Variants in MYCBP2 observed in about 807,000 individuals in gnomAD.
MYCBP2 encodes the protein E3 ubiquitin-protein ligase MYCBP2.
In MYCBP2, 120 loss-of-function variants were observed where a neutral mutation model predicts 525.3. The ratio of observed to expected loss-of-function variants is 0.23; its 90% CI spans 0.20 to 0.27. The LOEUF is 0.27. MYCBP2 is among the 10% of genes least tolerant of loss of function. The pLI is 1.00. For missense variants in MYCBP2, 4,149 were observed against 5,657.1 expected (o/e 0.73, Z 8.55); for synonymous variants, 1,894 against 1,955.8 (o/e 0.97, Z 0.83).
chr13:77,257,624 A>C, intron 14 of MYCBP2, 47 bp downstream of exon 14: 1 of 1,475,452 alleles, frequency 6.8e-7, no homozygotes, highest in Non-Finnish European at 9.0e-7. Flanking sequence ...CTGAAAAACT[A>C]ATGAAAAGAC....
intron 2 of MYCBP2, among the ~76,000 whole-genome samples, chr13:77,290,550 A>T (rs1330622761): frequency 6.6e-6 from 1 of 152,254 alleles, no homozygotes; most frequent in Non-Finnish European, 1.5e-5. Context: ...AACAATATGC[A>T]ACAATGTGTG....
chr13:77,254,375 A>G (rs1171883512), intron 14 of MYCBP2, among the ~76,000 whole-genome samples: 3 of 151,478 alleles, frequency 2.0e-5, no homozygotes, highest in Admixed American at 6.6e-5. Flanking sequence ...CTTATCTGTG[A>G]TTTTTTTTTA....
At chr13:77,066,160 GT>G in intron 71 of MYCBP2, 72 bp from the exon 72 acceptor site, 2 of 1,078,614 alleles carry the variant, frequency 1.9e-6, no homozygotes, top group East Asian at 2.4e-5. Flanking sequence ...AGATGAAAAT[GT>G]TATTTCAGAA....
At chr13:77,267,314 T>A (rs2074237185) in intron 8 of MYCBP2, among the ~76,000 whole-genome samples, 1 of 150,908 alleles carries the variant, frequency 6.6e-6, no homozygotes, top group African/African-American at 2.4e-5. Context: ...TTAAGAAGCA[T>A]AAGAAGCATA....
rs769765713 is a variant in MYCBP2, at chr13:77,098,070, G to A, written c.9084C>T (p.Ala3028=). The A allele has an allele frequency of 1.7e-5, 27 of 1,613,334 alleles. No homozygotes were observed. The African/African-American group carries it at 2.7e-4, about 16-fold the overall frequency. The part of the protein sequence containing the change: ...PAKQAMSPSV[A]ECARAVFASF... ...AAGCAAACACAGCTCTGGCACATTCGGCCACAGAAGGAGACATGGCTTGCT... is the reference window on the plus strand; with the variant it reads ...AAGCAAACACAGCTCTGGCACATTCAGCCACAGAAGGAGACATGGCTTGCT... Residue 3028 remains alanine (A), a synonymous_variant, in exon 56 of 83, where the codon GCC becomes GCT. Transcript: ENST00000544440.
At chr13:77,266,099 C>G (rs2074029667) in intron 8 of MYCBP2, among the ~76,000 whole-genome samples, 1 of 152,018 alleles carries the variant, frequency 6.6e-6, no homozygotes, top group South Asian at 2.1e-4. Flanking sequence ...ATAAATAAAA[C>G]AGCTGTAGGC....
At chr13:77,202,358 T>C (rs898123762) in intron 26 of MYCBP2, among the ~76,000 whole-genome samples, 7 of 152,152 alleles carry the variant, frequency 4.6e-5, no homozygotes, top group Non-Finnish European at 1.0e-4. Context: ...AAGTTGAATC[T>C]CTGAATAGAC....
rs2058547911 is a variant in MYCBP2 at position 77,166,627 on chromosome 13, T to A, written c.6115-73A>T. On this transcript the variant is annotated intron_variant, in intron 40 of 82. Transcript: ENST00000544440. ...AAACATACACATCTGCATCTGTATG[T>A]GTGTGTGTGTCTATGCTTTTATTAA... The A allele has an allele frequency of 5.3e-6, 5 of 951,802 alleles. No homozygotes were observed. The African/African-American group carries it at 6.5e-5, about 12-fold the overall frequency. 59.0% of individuals were successfully genotyped at this position (951,802 alleles called of 1,614,324 possible). A position where few individuals can be genotyped will look rare whatever the true frequency, so the allele number is the denominator to read the frequency against.
intron 20 of MYCBP2, among the ~76,000 whole-genome samples, chr13:77,219,009 A>T (rs116070827): frequency 0.013 from 2,014 of 152,250 alleles, 47 homozygotes; most frequent in African/African-American, 0.045. Flanking sequence ...GATATGGGGC[A>T]AGGAAGATTT....
In MYCBP2 at chr13:77,278,799, T is replaced by C. The variant is rs769504793; in HGVS notation, c.707A>G (p.Gln236Arg). ...LQALLNVLQG[Q>R]QPEGLQSEPP... The stretch of plus-strand genomic sequence containing the variant: ...CTCAGACTGGAGGCCTTCTGGCTGC[T>C]GGCCCTGCAGCACGTTGAGCAGGGC... The change falls in exon 4 of 83, where the codon CAG becomes CGG. Residue 236 changes from glutamine (Q) to arginine (R), a missense_variant. Physicochemically the swap from Gln to Arg is conservative, Grantham distance 43. This residue lies in a region of MYCBP2 where 413 missense variants were observed against 451.2 expected (regional missense o/e 0.92). Coordinates refer to ENST00000544440, the MANE Select transcript of MYCBP2 (RefSeq NM_015057.5). The C allele has an allele frequency of 4.4e-6, 7 of 1,586,356 alleles. No individual in the cohort carries two copies. The highest frequency in any genetic ancestry group is 6.0e-6 in the Non-Finnish European group (7 of 1,168,004).
At chr13:77,071,265 G>GCACATGCACA (rs1555305891) in intron 68 of MYCBP2, among the ~76,000 whole-genome samples, 2 of 87,410 alleles carry the variant, frequency 2.3e-5, no homozygotes, top group Non-Finnish European at 5.2e-5. Context: ...GCACGTGTGT[G>GCACATGCACA]CACACGCACA....
rs142099944 is a variant in MYCBP2, at chr13:77,071,200, C to T, written c.11824-489G>A. Reference sequence around the variant, plus strand: ...TTTTATAGAGCTTATTATGTGCACGCTGTTCTTCTAAGTGCCACATATGTA... The same window carrying T: ...TTTTATAGAGCTTATTATGTGCACGTTGTTCTTCTAAGTGCCACATATGTA... On this transcript the variant is annotated intron_variant, in intron 68 of 82. Transcript: ENST00000544440. Among the ~76,000 whole-genome samples the T allele has an allele frequency of 6.3e-3, 958 of 151,536 alleles. 7 individuals are homozygous for T. Among genetic ancestry groups the T allele is most frequent in the African/African-American group, 0.022 (895 of 41,258 alleles).
intron 34 of MYCBP2, 134 bp from the exon 35 acceptor site, chr13:77,178,088 T>G (rs1217316983): frequency 1.3e-5 from 8 of 628,530 alleles, no homozygotes; most frequent in Non-Finnish European, 1.4e-5. Context: ...TATGTTCTAC[T>G]GAGAGATTAA....
intron 20 of MYCBP2, among the ~76,000 whole-genome samples, chr13:77,221,620 C>A (rs1442358949): frequency 6.6e-6 from 1 of 152,184 alleles, no homozygotes; most frequent in Non-Finnish European, 1.5e-5. Context: ...ATGACTGAGA[C>A]CCCATCTTAT....
At chr13:77,148,804 C>T (rs1259715631) in intron 47 of MYCBP2, among the ~76,000 whole-genome samples, 1 of 152,072 alleles carries the variant, frequency 6.6e-6, no homozygotes, top group Non-Finnish European at 1.5e-5. Context: ...AAAACCTTGA[C>T]CCTAAGATTC....
intron 81 of MYCBP2, among the ~76,000 whole-genome samples, chr13:77,051,544 GCA>G (rs2036818194): frequency 6.6e-6 from 1 of 152,130 alleles, no homozygotes; most frequent in Non-Finnish European, 1.5e-5. Flanking sequence ...AAGTTTCACT[GCA>G]CGTTTAAGAA....
rs897238160 is a variant in MYCBP2 at position 77,055,701 on chromosome 13, T to C, written c.13504A>G (p.Arg4502Gly). Residue 4502 changes from arginine (R) to glycine (G), a missense_variant, in exon 80 of 83, where the codon AGA becomes GGA. Physicochemically the swap from Arg to Gly is moderately radical, Grantham distance 125 (BLOSUM62 -2). Coordinates refer to ENST00000544440, the MANE Select transcript of MYCBP2 (RefSeq NM_015057.5). ...DPIKELYEDV[R>G]RKALMRLEYE... ...TCCAATCTCATTAAGGCTTTTCTTCTGACATCCTCATAGAGTTCTTTTATT... is the reference window on the plus strand; with the variant it reads ...TCCAATCTCATTAAGGCTTTTCTTCCGACATCCTCATAGAGTTCTTTTATT... 14 of 1,613,934 alleles carry C rather than the reference T, an allele frequency of 8.7e-6. No individual in the cohort carries two copies. In the Admixed American group the frequency reaches 1.8e-4, roughly 21 times the overall value.
Position 77,068,737 on chromosome 13 carries a change from G to A in MYCBP2, c.11999C>T (p.Ser4000Phe). The A allele has an allele frequency of 6.2e-7, 1 of 1,614,208 alleles. No homozygotes were observed. The highest frequency in any genetic ancestry group is 8.5e-7 in the Non-Finnish European group (1 of 1,180,032). ...HAISSKENAN[S>F]QPNDEDASSD... Reference sequence around the variant, plus strand: ...GGAGGCATCTTCATCATTTGGCTGAGAATTGGCATTTTCTTTGCTTGATAT... The same window carrying A: ...GGAGGCATCTTCATCATTTGGCTGAAAATTGGCATTTTCTTTGCTTGATAT... Residue 4000 changes from serine (S) to phenylalanine (F), a missense_variant, in exon 70 of 83, where the codon TCT (serine) becomes TTT (phenylalanine). Physicochemically the swap from Ser to Phe is radical, Grantham distance 155 (BLOSUM62 -2). Coordinates refer to ENST00000544440, the MANE Select transcript of MYCBP2 (RefSeq NM_015057.5).
At chr13:77,269,265 A>C (rs2074529303) in intron 7 of MYCBP2, among the ~76,000 whole-genome samples, 1 of 152,208 alleles carries the variant, frequency 6.6e-6, no homozygotes, top group African/African-American at 2.4e-5. Flanking sequence ...GAAAGTACTG[A>C]ATCTAGACTA....
Sources: gnomAD v4.1 joint callset for allele counts (sites outside exome capture counted in the v4.1 genomes callset) on GRCh38, gnomAD v4.1.1 for gene constraint, gnomAD v4.1.1 regional missense constraint, MANE v1.5 for transcripts, NCBI Gene and HGNC (gene_info 2026-07-23, HGNC 2026-07-21) for gene names.